Variants in MTMR3 observed in about 807,000 individuals in gnomAD.
The protein encoded by MTMR3 is phosphatidylinositol-3,5-bisphosphate 3-phosphatase MTMR3.
A neutral mutation model predicts 132.4 loss-of-function variants in MTMR3; 32 were observed. The observed-to-expected ratio is 0.24, with a 90% CI of 0.18 to 0.32. The LOEUF is 0.32. Among genes scored for constraint, MTMR3 ranks in the 10% least tolerant of loss-of-function variants. The probability of loss-of-function intolerance (pLI) is 1.00; values close to 1 mark genes in which losing one functional copy is unlikely to be tolerated. For synonymous variants in MTMR3, 556 were observed against 550.3 expected, an observed-to-expected ratio of 1.01 and a Z score of -0.14; for missense variants, 1,216 against 1,489.6, an observed-to-expected ratio of 0.82 and a Z score of 3.02.
chr22:30,023,354 C>T, intron 19 of MTMR3: 5 of 1,152,804 alleles, frequency 4.3e-6, no homozygotes, highest in Non-Finnish European at 6.6e-6. Flanking sequence ...AGTCTCTTTG[C>T]CTAGTAATGA....
intron 5 of MTMR3, 173 bp from the exon 6 acceptor site, chr22:29,988,307 C>T (rs895613817): frequency 2.1e-5 from 9 of 422,686 alleles, no homozygotes; most frequent in African/African-American, 1.6e-4. Context: ...AAAGGGAAGT[C>T]CTAATTCACT....
chr22:30,019,432 C>T, intron 16 of MTMR3, 48 bp from the exon 17 acceptor site: 1 of 1,536,158 alleles, frequency 6.5e-7, no homozygotes, highest in Non-Finnish European at 8.8e-7. Context: ...CCTACTTCCT[C>T]CAAACAGTTT....
intron 1 of MTMR3, among the ~76,000 whole-genome samples, chr22:29,892,823 C>G (rs2064825399): frequency 6.6e-6 from 1 of 152,152 alleles, no homozygotes; most frequent in African/African-American, 2.4e-5. Context: ...AAGATGATTG[C>G]TATATACAGT....
At chr22:29,933,115 C>T (rs2065677213) in intron 1 of MTMR3, among the ~76,000 whole-genome samples, 1 of 152,024 alleles carries the variant, frequency 6.6e-6, no homozygotes, top group South Asian at 2.1e-4. Flanking sequence ...ACTACAGGTG[C>T]GTGCCACCAG....
intron 1 of MTMR3, among the ~76,000 whole-genome samples, chr22:29,903,618 C>G (rs2065042126): frequency 6.6e-6 from 1 of 151,902 alleles, no homozygotes; most frequent in African/African-American, 2.4e-5. Context: ...ATCTTGAATT[C>G]CTGGGCTCGA....
chr22:29,893,804 G>A (rs1478661565), intron 1 of MTMR3, among the ~76,000 whole-genome samples: 3 of 151,830 alleles, frequency 2.0e-5, no homozygotes, highest in African/African-American at 4.8e-5. Context: ...TTTCTACAAC[G>A]AGCATGTATT....
intron 3 of MTMR3, among the ~76,000 whole-genome samples, chr22:29,977,286 TG>T (rs1270291246): frequency 2.0e-5 from 3 of 152,190 alleles, no homozygotes; most frequent in Admixed American, 2.0e-4. Flanking sequence ...AGCAAAACCC[TG>T]ACTTAAAAAA....
At chr22:30,016,379 A>C (rs2067592352) in intron 14 of MTMR3, 149 bp from the exon 15 acceptor site, 3 of 762,878 alleles carry the variant, frequency 3.9e-6, no homozygotes, top group East Asian at 2.7e-5. Context: ...GAGGAGGAGG[A>C]GGCTACTGCA....
chr22:29,971,095 A>C (rs577433778), intron 3 of MTMR3, 33 bp downstream of exon 3: 68 of 1,579,884 alleles, frequency 4.3e-5, no homozygotes, highest in Middle Eastern at 1.7e-4. Flanking sequence ...AAAAAAAAAA[A>C]CAAAAAACCC....
intron 2 of MTMR3, among the ~76,000 whole-genome samples, chr22:29,970,182 T>C (rs1452937933): frequency 6.6e-6 from 1 of 152,220 alleles, no homozygotes; most frequent in Non-Finnish European, 1.5e-5. Context: ...TAGAAGAGCA[T>C]AGAATATTTG....
chr22:29,896,260 A>G (rs1302694074), intron 1 of MTMR3, among the ~76,000 whole-genome samples: 5 of 152,214 alleles, frequency 3.3e-5, no homozygotes, highest in Non-Finnish European at 5.9e-5. Context: ...CAGTGAGCCC[A>G]GATCACACCA....
At chr22:29,970,887 A>T (rs1283012556) in intron 2 of MTMR3, 89 bp from the exon 3 acceptor site, 2 of 600,054 alleles carry the variant, frequency 3.3e-6, no homozygotes, top group African/African-American at 1.9e-5. Flanking sequence ...CTTTGTGAGG[A>T]TATGGCCGAT....
chr22:29,965,401 TA>T (rs1297290769), intron 2 of MTMR3, among the ~76,000 whole-genome samples: 1 of 152,166 alleles, frequency 6.6e-6, no homozygotes, highest in Non-Finnish European at 1.5e-5. Context: ...CTGTACTCAT[TA>T]AAAAATTAGA....
chr22:29,963,591 T>C (rs2066356946), intron 2 of MTMR3, among the ~76,000 whole-genome samples: 1 of 151,964 alleles, frequency 6.6e-6, no homozygotes, highest in South Asian at 2.1e-4. Context: ...GGTTTCACCG[T>C]TGGCCGGGAT....
chr22:29,888,278 C>G (rs1404270371), intron 1 of MTMR3, among the ~76,000 whole-genome samples: 1 of 151,942 alleles, frequency 6.6e-6, no homozygotes, highest in Non-Finnish European at 1.5e-5. Context: ...CTCCTGGGCT[C>G]AAAGGTAGTC....
At chr22:29,948,641 A>G (rs1388099653) in intron 1 of MTMR3, among the ~76,000 whole-genome samples, 2 of 152,158 alleles carry the variant, frequency 1.3e-5, no homozygotes, top group East Asian at 3.8e-4. Context: ...GGCAACTGTG[A>G]AGGGAGAGGG....
intron 7 of MTMR3, chr22:29,994,211 G>A: frequency 1.1e-6 from 1 of 912,246 alleles, no homozygotes; most frequent in African/African-American, 1.8e-5. Context: ...TTATGAGTAA[G>A]GGTTGCATTT....
chr22:29,904,817 G>A (rs557010303), intron 1 of MTMR3, among the ~76,000 whole-genome samples: 3 of 93,988 alleles, frequency 3.2e-5, no homozygotes, highest in African/African-American at 9.4e-5. Context: ...GTATGTGTGT[G>A]TGTTGTGTGT....
intron 1 of MTMR3, among the ~76,000 whole-genome samples, chr22:29,915,593 T>C (rs2065293358): frequency 2.0e-5 from 3 of 152,122 alleles, no homozygotes. Context: ...GGCTAATTTT[T>C]GTATATTTTA....
Sources: gnomAD v4.1 joint callset for allele counts (sites outside exome capture counted in the v4.1 genomes callset) on GRCh38, gnomAD v4.1.1 for gene constraint, MANE v1.5 for transcripts, NCBI Gene and HGNC (gene_info 2026-07-23, HGNC 2026-07-21) for gene names.